The following CEACAM19 variants were observed in gnomAD, a reference collection of about 807,000 sequenced individuals.
CEACAM19 encodes cell adhesion molecule CEACAM19.
CEACAM19 carries 37 observed loss-of-function variants against 37.6 expected under a neutral mutation model. That is an observed-to-expected ratio of 0.98 (90% confidence interval 0.76 to 1.29). The LOEUF (loss-of-function observed/expected upper bound fraction) is 1.29, where lower values mean the gene tolerates loss of function less well. CEACAM19 is among the 50% of genes most tolerant of loss of function. The probability of loss-of-function intolerance (pLI) is 0.00; values close to 1 mark genes in which losing one functional copy is unlikely to be tolerated. For missense variants in CEACAM19, 340 were observed against 375.6 expected, an observed-to-expected ratio of 0.91 and a Z score of 0.78; for synonymous variants, 140 against 149.8, an observed-to-expected ratio of 0.93 and a Z score of 0.48.
upstream of CEACAM19, among the ~76,000 whole-genome samples, chr19:44,668,772 A>T (rs1973810609): frequency 1.8e-5 from 2 of 113,676 alleles, no homozygotes; most frequent in African/African-American, 3.7e-5. Flanking sequence ...ATATAATATA[A>T]TATATAATTA....
chr19:44,677,389 T>C (rs1187800550), intron 3 of CEACAM19, among the ~76,000 whole-genome samples: 1 of 150,288 alleles, frequency 6.7e-6, no homozygotes, highest in African/African-American at 2.5e-5. Flanking sequence ...AGAAGGGGAG[T>C]GGGCAGCAGC....
upstream of CEACAM19, among the ~76,000 whole-genome samples, chr19:44,668,199 T>G (rs576814408): frequency 7.3e-5 from 6 of 81,914 alleles, no homozygotes; most frequent in South Asian, 3.8e-4. Context: ...ATTTTATATA[T>G]TATATATATA....
intron 2 of CEACAM19, among the ~76,000 whole-genome samples, chr19:44,675,097 C>CGTGTGTGTGTGT (rs59147604): frequency 1.7e-3 from 246 of 143,890 alleles, no homozygotes; most frequent in East Asian, 8.3e-3. Flanking sequence ...CAGAGAACAG[C>CGTGTGTGTGTGT]GTGTGTGTGT....
In CEACAM19 at chr19:44,683,577, C is replaced by T; in HGVS notation, c.*87C>T. On this transcript the variant is annotated 3_prime_UTR_variant, in exon 8 of 8. Transcript: ENST00000358777. ...ACACCTGAGACCAGCAGGACAAGGCCATTGGGGGCTGTGGGGCCGATGAGG... is the reference window on the plus strand; with the variant it reads ...ACACCTGAGACCAGCAGGACAAGGCTATTGGGGGCTGTGGGGCCGATGAGG... The T allele has an allele frequency of 1.2e-6, 1 of 832,090 alleles. No individual in the cohort carries two copies. The highest frequency in any genetic ancestry group is 1.8e-6 in the Non-Finnish European group (1 of 549,758). 51.5% of individuals were successfully genotyped at this position (832,090 alleles called of 1,614,324 possible).
intron 4 of CEACAM19, among the ~76,000 whole-genome samples, chr19:44,679,736 G>C (rs1296389809): frequency 6.6e-6 from 1 of 150,544 alleles, no homozygotes; most frequent in Non-Finnish European, 1.5e-5. Flanking sequence ...GCGACAGAGC[G>C]AGACTCTGTC....
At position 44,681,329 on chromosome 19, in the gene CEACAM19, G is replaced by C. The variant is rs1974055734; in HGVS notation, c.792+17G>C. Reference sequence around the variant, plus strand: ...CCAGCCCGGGTGAGTCCCGTCCCCAGCCTCTCCCCTGAAGCCAATGCTAAC... The same window carrying C: ...CCAGCCCGGGTGAGTCCCGTCCCCACCCTCTCCCCTGAAGCCAATGCTAAC... On this transcript the variant is annotated intron_variant, in intron 6 of 7. Coordinates refer to ENST00000358777, the MANE Select transcript of CEACAM19 (RefSeq NM_001127893.3). 1.3e-6 allele frequency: 2 copies of C among 1,590,004 alleles called. No individual in the cohort carries two copies.
At chr19:44,666,798 G>A (rs1017358877), upstream of CEACAM19, among the ~76,000 whole-genome samples, 1 of 151,600 alleles carries the variant, frequency 6.6e-6, no homozygotes, top group African/African-American at 2.4e-5. Context: ...AGGGTCACGA[G>A]GGGTGGGGGC....
Position 44,676,321 on chromosome 19 carries a change from C to T in CEACAM19, c.475C>T (p.Leu159=). 6.2e-7 allele frequency: 1 copy of T among 1,614,120 alleles called. No individual in the cohort carries two copies. Among genetic ancestry groups the T allele is most frequent in the Non-Finnish European group, 8.5e-7 (1 of 1,180,018 alleles). Residue 159 remains leucine, a synonymous_variant, in exon 3 of 8, where the codon CTG becomes TTG. Transcript: ENST00000358777. ...ACACCTGCCCACCAACGCTGGGATC[C>T]TGGCGGCCACCATCATTGGATCTCT... ...STHLPTNAGI[L]AATIIGSLAA...
rs1974118331 is a variant in CEACAM19, at chr19:44,684,253, T to A, written c.*763T>A. ...AGCCTTTGCTGTATGCCAGACCCAG[T>A]TCTAGGCTCTTGCAGCCCTGGTAGA... On this transcript the variant is annotated 3_prime_UTR_variant, in exon 8 of 8. Transcript: ENST00000358777. 1 of 152,234 alleles carries A rather than the reference T, an allele frequency of 6.6e-6. No homozygotes were observed. The highest frequency in any genetic ancestry group is 2.4e-5 in the African/African-American group (1 of 41,458). 9.4% of individuals were successfully genotyped at this position (152,234 alleles called of 1,614,324 possible). A position where few individuals can be genotyped will look rare whatever the true frequency, so the allele number is the denominator to read the frequency against.
At chr19:44,667,665 TATAA>T (rs1439458959), upstream of CEACAM19, among the ~76,000 whole-genome samples, 1 of 90,172 alleles carries the variant, frequency 1.1e-5, no homozygotes, top group African/African-American at 4.7e-5. Flanking sequence ...GATATATAAA[TATAA>T]ATATATATTA....
chr19:44,667,291 A>G (rs541411917), upstream of CEACAM19: 1 of 151,388 alleles, frequency 6.6e-6, no homozygotes, highest in Non-Finnish European at 1.5e-5. Flanking sequence ...CTGGGTAGAA[A>G]TGCCTGGCAC....
chr19:44,681,379 G>A lies in CEACAM19; in HGVS notation c.792+67G>A, dbSNP rs904509522. 13 of 1,043,494 alleles carry A rather than the reference G, an allele frequency of 1.2e-5. No individual in the cohort carries two copies. In the African/African-American group the frequency reaches 1.6e-4, roughly 13 times the overall value. 64.6% of individuals were successfully genotyped at this position (1,043,494 alleles called of 1,614,324 possible). Reference sequence around the variant, plus strand: ...CAGGCGCCTCCTCTCTGAGCTGGCTGTGGTCCTCTGGGCCATCTTGACACC... The same window carrying A: ...CAGGCGCCTCCTCTCTGAGCTGGCTATGGTCCTCTGGGCCATCTTGACACC... On this transcript the variant is annotated intron_variant, in intron 6 of 7. Transcript: ENST00000358777.
intron 2 of CEACAM19, among the ~76,000 whole-genome samples, chr19:44,673,240 A>G (rs919099112): frequency 2.0e-5 from 3 of 152,218 alleles, no homozygotes; most frequent in Admixed American, 2.0e-4. Context: ...CCAAATTTTT[A>G]TCGAGCACTT....
At chr19:44,681,421 A>C in intron 6 of CEACAM19, 109 bp downstream of exon 6, 1 of 662,462 alleles carries the variant, frequency 1.5e-6, no homozygotes, top group Non-Finnish European at 2.7e-6. Context: ...GGGAATCTCA[A>C]CTCTCTATAT....
chr19:44,676,750 G>C (rs757692954), intron 3 of CEACAM19, among the ~76,000 whole-genome samples: 3 of 152,054 alleles, frequency 2.0e-5, no homozygotes, highest in Non-Finnish European at 4.4e-5. Flanking sequence ...CAGCCTCCCA[G>C]GTAGCTGAGA....
chr19:44,678,681 G>C (rs779039585), intron 3 of CEACAM19, 172 bp from the exon 4 acceptor site: 15 of 897,400 alleles, frequency 1.7e-5, no homozygotes, highest in Admixed American at 1.6e-4. Context: ...AAAGTGTTGG[G>C]ATTACAGGCA....
chr19:44,670,573 G>A (rs143547373), upstream of CEACAM19, among the ~76,000 whole-genome samples: 2 of 151,586 alleles, frequency 1.3e-5, no homozygotes, highest in Admixed American at 1.3e-4. Flanking sequence ...TACTCAGAAG[G>A]CTGAGGCAGA....
upstream of CEACAM19, chr19:44,667,089 G>T (rs1973726718): frequency 6.6e-6 from 1 of 151,854 alleles, no homozygotes; most frequent in Non-Finnish European, 1.5e-5. Context: ...CAGCCATTCA[G>T]TGTATAGCTG....
Position 44,672,823 on chromosome 19 carries a change from G to A in CEACAM19, c.283G>A (p.Gly95Arg). The change falls in exon 2 of 8, where the codon GGA becomes AGA. Residue 95 changes from glycine to arginine, a missense_variant. Physicochemically the swap from Gly to Arg is moderately radical, Grantham distance 125. Coordinates refer to ENST00000358777, the MANE Select transcript of CEACAM19 (RefSeq NM_001127893.3). Reference protein sequence around the residue: ...QRPQRDGSAMGQRDIVGFPNG... With the variant: ...QRPQRDGSAMRQRDIVGFPNG... Reference sequence around the variant, plus strand: ...GCCTCAGAGGGATGGCAGTGCCATGGGACAGCGAGACATCGTGGGCTTCCC... The same window carrying A: ...GCCTCAGAGGGATGGCAGTGCCATGAGACAGCGAGACATCGTGGGCTTCCC... 1 of 1,599,078 alleles carries A rather than the reference G, an allele frequency of 6.3e-7. No homozygotes were observed. Among genetic ancestry groups the A allele is most frequent in the Non-Finnish European group, 8.5e-7 (1 of 1,171,556 alleles).
Sources: allele counts gnomAD v4.1 joint callset (sites outside exome capture counted in the v4.1 genomes callset), GRCh38; gene constraint gnomAD v4.1.1; transcripts MANE v1.5; gene names NCBI Gene and HGNC (gene_info 2026-07-23, HGNC 2026-07-21).